Variants in PTGER3 observed in about 807,000 individuals in gnomAD.
PTGER3 encodes the protein prostaglandin E receptor 3.
Under a neutral mutation model 34.7 loss-of-function variants are expected in PTGER3, and 22 were observed. The observed-to-expected ratio is 0.63, with a 90% CI of 0.45 to 0.91. The LOEUF (loss-of-function observed/expected upper bound fraction) is 0.91, where lower values mean the gene tolerates loss of function less well. Among genes scored for constraint, PTGER3 ranks in the 40% least tolerant of loss-of-function variants. The pLI, the probability that PTGER3 is intolerant of heterozygous loss-of-function variation, is 0.00. For synonymous variants in PTGER3, 241 were observed against 230.1 expected (o/e 1.05, Z -0.43); for missense variants, 468 against 519.4 (o/e 0.90, Z 0.96).
chr1:70,979,498 G>A (rs1338404254), intron 2 of PTGER3, among the ~76,000 whole-genome samples: 1 of 52,082 alleles, frequency 1.9e-5, no homozygotes, highest in African/African-American at 6.7e-5. Context: ...AATGGGTACA[G>A]CTGCACGTTA....
At chr1:70,863,594 A>G (rs1253925141) in intron 4 of PTGER3, among the ~76,000 whole-genome samples, 1 of 152,218 alleles carries the variant, frequency 6.6e-6, no homozygotes, top group Non-Finnish European at 1.5e-5. Flanking sequence ...GAAATCACTT[A>G]TGTGGCTTAC....
chr1:70,884,349 A>T (rs1646454829), intron 4 of PTGER3, among the ~76,000 whole-genome samples: 1 of 152,134 alleles, frequency 6.6e-6, no homozygotes. Context: ...AATAACTCCC[A>T]TGATTATGTT....
At chr1:70,944,049 G>A (rs1161086068) in intron 4 of PTGER3, among the ~76,000 whole-genome samples, 3 of 152,040 alleles carry the variant, frequency 2.0e-5, no homozygotes, top group African/African-American at 7.2e-5. Flanking sequence ...CAATTAGATA[G>A]TATAGTTGAC....
At chr1:70,876,252 T>C (rs1441662053) in intron 4 of PTGER3, among the ~76,000 whole-genome samples, 1 of 151,944 alleles carries the variant, frequency 6.6e-6, no homozygotes, top group Non-Finnish European at 1.5e-5. Context: ...GGACACAGTC[T>C]GTTCATGTCC....
At position 71,037,634 on chromosome 1, in the gene PTGER3, C is replaced by T. The variant is rs114789837; in HGVS notation, c.897+9047G>A. ...TCTGAAATAGTATGTCCAATAGGGA[C>T]GATTTAATCTATTTAGAGCTACAGG... On this transcript the variant is annotated intron_variant, in intron 1 of 3. Transcript: ENST00000306666. Among the ~76,000 whole-genome samples, 664 of 152,140 alleles carry T rather than the reference C, an allele frequency of 4.4e-3. 6 individuals are homozygous for T. Among genetic ancestry groups the T allele is most frequent in the African/African-American group, 0.015 (634 of 41,494 alleles).
intron 2 of PTGER3, chr1:71,010,196 T>C: frequency 1.0e-6 from 1 of 984,730 alleles, no homozygotes; most frequent in Non-Finnish European, 1.2e-6. Context: ...TAATGTCCAC[T>C]ATCATTTGGA....
downstream of PTGER3, chr1:70,951,230 A>G (rs1198838061): frequency 6.6e-6 from 1 of 152,216 alleles, no homozygotes; most frequent in Non-Finnish European, 1.5e-5. Context: ...TGAATAATAA[A>G]AGAAAATAAC....
At chr1:70,853,119 A>T (rs1005557239) in intron 4 of PTGER3, among the ~76,000 whole-genome samples, 2 of 152,174 alleles carry the variant, frequency 1.3e-5, no homozygotes, top group African/African-American at 4.8e-5. Context: ...AAAGAAGAAG[A>T]TCCTATATTC....
chr1:70,971,302 G>A lies in PTGER3; in HGVS notation c.*428C>T. ...ATTGAATTATCACTCTCAATATGTTGACTTTTCACCATCATAAGCTTATAC... is the reference window on the plus strand; with the variant it reads ...ATTGAATTATCACTCTCAATATGTTAACTTTTCACCATCATAAGCTTATAC... On this transcript the variant is annotated 3_prime_UTR_variant, in exon 4 of 4. Transcript: ENST00000306666. The A allele has an allele frequency of 1.0e-6, 1 of 987,564 alleles. No homozygotes were observed. The highest frequency in any genetic ancestry group is 4.7e-5 in the South Asian group (1 of 21,324). The allele number at this position is 987,564 out of a possible 1,614,324, so 61.2% of individuals were successfully genotyped here. A position where few individuals can be genotyped will look rare whatever the true frequency, so the allele number is the denominator to read the frequency against.
At chr1:71,021,514 G>A (rs1658419693) in intron 1 of PTGER3, among the ~76,000 whole-genome samples, 1 of 149,584 alleles carries the variant, frequency 6.7e-6, no homozygotes, top group Non-Finnish European at 1.5e-5. Context: ...AGTTAGAAGA[G>A]TTATCTTTAC....
intron 4 of PTGER3, among the ~76,000 whole-genome samples, chr1:70,929,149 T>C (rs1190130300): frequency 6.6e-6 from 1 of 152,182 alleles, no homozygotes; most frequent in Non-Finnish European, 1.5e-5. Flanking sequence ...AAATGACTAA[T>C]CCAAAGTTAT....
At chr1:70,888,335 C>T (rs748918302) in intron 4 of PTGER3, among the ~76,000 whole-genome samples, 2 of 152,170 alleles carry the variant, frequency 1.3e-5, no homozygotes, top group African/African-American at 2.4e-5. Flanking sequence ...AGTTCAGGAA[C>T]ATCAAAATGT....
chr1:70,925,479 T>G (rs1003019074), intron 4 of PTGER3, among the ~76,000 whole-genome samples: 1 of 152,216 alleles, frequency 6.6e-6, no homozygotes, highest in Non-Finnish European at 1.5e-5. Flanking sequence ...TATTATCCAT[T>G]GTAGCATTGT....
At chr1:70,918,063 G>A in intron 4 of PTGER3, among the ~76,000 whole-genome samples, 1 of 151,938 alleles carries the variant, frequency 6.6e-6, no homozygotes, top group African/African-American at 2.4e-5. Flanking sequence ...CAATGGAACA[G>A]AATAGAGAAT....
chr1:70,877,042 G>A (rs568332057), intron 4 of PTGER3, among the ~76,000 whole-genome samples: 1 of 152,230 alleles, frequency 6.6e-6, no homozygotes, highest in Middle Eastern at 3.4e-3. Context: ...AAATTGCTTT[G>A]GGAAGTGTGG....
intron 4 of PTGER3, among the ~76,000 whole-genome samples, chr1:70,915,614 A>C (rs1647158236): frequency 1.3e-5 from 2 of 152,070 alleles, no homozygotes; most frequent in South Asian, 4.2e-4. Flanking sequence ...GAATTCCCAA[A>C]TGTGTTAGCA....
intron 2 of PTGER3, among the ~76,000 whole-genome samples, chr1:70,994,821 T>C (rs1177784736): frequency 6.6e-6 from 1 of 151,758 alleles, no homozygotes; most frequent in Non-Finnish European, 1.5e-5. Context: ...ATTTGTACTA[T>C]TTTTTTTGGT....
Position 71,009,114 on chromosome 1 carries a change from G to A in PTGER3, c.1077+3191C>T, listed in dbSNP as rs1005779178. 6.1e-6 allele frequency: 6 copies of A among 984,880 alleles called. No individual in the cohort carries two copies. The African/African-American group carries it at 1.0e-4, about 17-fold the overall frequency. The allele number at this position is 984,880 out of a possible 1,614,324, so 61.0% of individuals were successfully genotyped here. ...GTCAAAAAGAACAAAATTATAAAAA[G>A]CGTTGAATAAATAAAAAGCCTAATC... On this transcript the variant is annotated intron_variant, in intron 2 of 3. Coordinates refer to ENST00000306666, the MANE Select transcript of PTGER3 (RefSeq NM_198719.2).
chr1:71,001,732 T>C (rs528214179), intron 2 of PTGER3, among the ~76,000 whole-genome samples: 34 of 152,246 alleles, frequency 2.2e-4, no homozygotes, highest in Admixed American at 7.8e-4. Flanking sequence ...ACAGATGAGG[T>C]ACTAAGCCTA....
Sources: gnomAD v4.1 joint callset for allele counts (sites outside exome capture counted in the v4.1 genomes callset) on GRCh38, gnomAD v4.1.1 for gene constraint, MANE v1.5 for transcripts, NCBI Gene and HGNC (gene_info 2026-07-23, HGNC 2026-07-21) for gene names.